Variants in RIGI observed in about 807,000 individuals in gnomAD.
The protein encoded by RIGI is RNA sensor RIG-I, also known as antiviral innate immune response receptor RIG-I.
chr9:32,459,575 G>A, the RIGI span: 4 of 1,512,962 alleles, frequency 2.6e-6, no homozygotes, highest in African/African-American at 4.2e-5. Context: ...CAAGAAACAG[G>A]CACAGATACG....
chr9:32,492,660 G>T, the RIGI span: 2 of 1,136,522 alleles, frequency 1.8e-6, no homozygotes, highest in Non-Finnish European at 2.5e-6. Flanking sequence ...TTACAGCTCA[G>T]TGGGTCATAT....
the RIGI span, among the ~76,000 whole-genome samples, chr9:32,515,032 T>A: frequency 6.6e-6 from 1 of 152,220 alleles, no homozygotes; most frequent in Non-Finnish European, 1.5e-5. Flanking sequence ...CACAGAGTTT[T>A]ACTCTTTAGT....
chr9:32,509,049 A>T, the RIGI span, among the ~76,000 whole-genome samples: 1 of 152,164 alleles, frequency 6.6e-6, no homozygotes, highest in Non-Finnish European at 1.5e-5. Context: ...CTGCCTCTCT[A>T]GATTCCTCAC....
the RIGI span, among the ~76,000 whole-genome samples, chr9:32,483,161 G>A: frequency 4.6e-5 from 7 of 152,150 alleles, no homozygotes; most frequent in South Asian, 6.2e-4. Flanking sequence ...GTATCAGTTC[G>A]CCAGGGCTCC....
the RIGI span, among the ~76,000 whole-genome samples, chr9:32,514,355 G>T: frequency 6.6e-6 from 1 of 152,144 alleles, no homozygotes; most frequent in Non-Finnish European, 1.5e-5. Context: ...ACTGGATAAA[G>T]AAAATATGGC....
At chr9:32,494,186 C>G in the RIGI span, among the ~76,000 whole-genome samples, 10 of 152,226 alleles carry the variant, frequency 6.6e-5, no homozygotes, top group Admixed American at 5.9e-4. Context: ...ACTTTGAAGT[C>G]TTACATTTTG....
the RIGI span, among the ~76,000 whole-genome samples, chr9:32,459,049 C>G: frequency 6.6e-6 from 1 of 152,060 alleles, no homozygotes; most frequent in Non-Finnish European, 1.5e-5. Flanking sequence ...CCACTACGCC[C>G]AGCTAACTTT....
At chr9:32,483,582 G>T in the RIGI span, among the ~76,000 whole-genome samples, 3 of 152,020 alleles carry the variant, frequency 2.0e-5, no homozygotes, top group Admixed American at 2.0e-4. Flanking sequence ...TCTCCAAACT[G>T]GTCTCCCTTC....
chr9:32,503,349 A>G, the RIGI span, among the ~76,000 whole-genome samples: 1 of 152,158 alleles, frequency 6.6e-6, no homozygotes, highest in East Asian at 1.9e-4. Flanking sequence ...CTGCTGCTAC[A>G]GAGTAGTGAC....
chr9:32,511,174 C>A, the RIGI span, among the ~76,000 whole-genome samples: 3 of 151,866 alleles, frequency 2.0e-5, no homozygotes, highest in African/African-American at 7.3e-5. Flanking sequence ...AATAATAGAT[C>A]AACAAAACAG....
the RIGI span, among the ~76,000 whole-genome samples, chr9:32,510,965 A>C: frequency 6.6e-6 from 1 of 152,196 alleles, no homozygotes; most frequent in Non-Finnish European, 1.5e-5. Flanking sequence ...ACAGATTTTA[A>C]ACCAACAAAG....
the RIGI span, among the ~76,000 whole-genome samples, chr9:32,463,908 A>G: frequency 2.0e-5 from 2 of 99,440 alleles, 1 homozygote; most frequent in African/African-American, 7.0e-5. Flanking sequence ...CTTCACAACC[A>G]CAACTGTCAT....
At chr9:32,485,189 A>G in the RIGI span, 1 of 1,601,548 alleles carries the variant, frequency 6.2e-7, no homozygotes, top group Admixed American at 1.8e-5. Flanking sequence ...GTCTTTGCAG[A>G]TTCTCTTTGC....
At chr9:32,521,470 ATAAC>A in the RIGI span, among the ~76,000 whole-genome samples, 3 of 152,136 alleles carry the variant, frequency 2.0e-5, no homozygotes, top group Admixed American at 6.5e-5. Flanking sequence ...GGCTAAATGA[ATAAC>A]TATTTTGTAG....
chr9:32,526,191 A>G, the RIGI span: 27 of 1,593,994 alleles, frequency 1.7e-5, no homozygotes, highest in Non-Finnish European at 2.1e-5. Context: ...GCAGCTAGCT[A>G]CGTTCCCCGC....
the RIGI span, chr9:32,489,309 C>G: frequency 2.0e-6 from 3 of 1,486,260 alleles, no homozygotes; most frequent in Admixed American, 1.9e-5. Context: ...AGGAAGCAAA[C>G]AGAAAAACTA....
At chr9:32,506,162 G>C in the RIGI span, among the ~76,000 whole-genome samples, 3 of 152,308 alleles carry the variant, frequency 2.0e-5, no homozygotes, top group Middle Eastern at 6.8e-3. Context: ...AGATTGCAGT[G>C]AGCTGAGATT....
the RIGI span, among the ~76,000 whole-genome samples, chr9:32,507,000 T>C: frequency 6.6e-6 from 1 of 152,352 alleles, no homozygotes. Flanking sequence ...TTAGATTTTC[T>C]CATTCTGCTA....
At chr9:32,458,262 T>C in the RIGI span, among the ~76,000 whole-genome samples, 1 of 152,138 alleles carries the variant, frequency 6.6e-6, no homozygotes, top group Non-Finnish European at 1.5e-5. Flanking sequence ...AAGGCTGCAA[T>C]AGAAGGCTAA....
Sources: gnomAD v4.1 joint callset for allele counts (sites outside exome capture counted in the v4.1 genomes callset) on GRCh38, gnomAD v4.1.1 for gene constraint, MANE v1.5 for transcripts, NCBI Gene and HGNC (gene_info 2026-07-23, HGNC 2026-07-21) for gene names.